EYS: variants seen among roughly 807,000 people sequenced by gnomAD.
The protein encoded by EYS is EGF-like photoreceptor maintenance factor.
In EYS, 250 loss-of-function variants were observed where a neutral mutation model predicts 282.1. The ratio of observed to expected loss-of-function variants is 0.89; its 90% CI spans 0.80 to 0.98. The LOEUF (loss-of-function observed/expected upper bound fraction) is 0.98, where lower values mean the gene tolerates loss of function less well. Ranked by LOEUF, EYS falls within the 50% of genes least tolerant of loss-of-function variation. The pLI, the probability that EYS is intolerant of heterozygous loss-of-function variation, is 0.00. For synonymous variants in EYS, 1,355 were observed against 1,282.9 expected, an observed-to-expected ratio of 1.06 and a Z score of -1.20; for missense variants, 4,016 against 3,709.0, an observed-to-expected ratio of 1.08 and a Z score of -2.15.
At chr6:63,743,740 C>T (rs1199007947) in intron 41 of EYS, among the ~76,000 whole-genome samples, 1 of 152,172 alleles carries the variant, frequency 6.6e-6, no homozygotes, top group East Asian at 1.9e-4. Context: ...TACTAAGATT[C>T]TGGGAGACAT....
At chr6:64,847,605 A>G in intron 19 of EYS, among the ~76,000 whole-genome samples, 1 of 152,036 alleles carries the variant, frequency 6.6e-6, no homozygotes, top group South Asian at 2.1e-4. Flanking sequence ...CAACTGCCTG[A>G]GCTCACCATT....
chr6:64,192,526 G>T (rs186691894), intron 31 of EYS, among the ~76,000 whole-genome samples: 2 of 151,986 alleles, frequency 1.3e-5, no homozygotes, highest in East Asian at 3.9e-4. Flanking sequence ...AAATAACGCC[G>T]CGTATCTACA....
At chr6:64,677,175 C>G (rs550525030) in intron 22 of EYS, among the ~76,000 whole-genome samples, 2 of 152,222 alleles carry the variant, frequency 1.3e-5, no homozygotes, top group African/African-American at 4.8e-5. Context: ...TTATCTAAGT[C>G]TTATCACAAT....
chr6:64,862,118 A>G (rs1002173861), intron 19 of EYS, among the ~76,000 whole-genome samples: 3 of 152,114 alleles, frequency 2.0e-5, no homozygotes, highest in African/African-American at 7.2e-5. Context: ...TAAATATTTC[A>G]TCTCACTCTC....
At chr6:64,573,752 C>T (rs967668866) in intron 26 of EYS, among the ~76,000 whole-genome samples, 7 of 151,974 alleles carry the variant, frequency 4.6e-5, no homozygotes, top group Admixed American at 1.3e-4. Context: ...GTTAGAATGG[C>T]GATCATTAAA....
At chr6:64,017,889 A>C (rs115848754) in intron 33 of EYS, among the ~76,000 whole-genome samples, 1 of 152,196 alleles carries the variant, frequency 6.6e-6, no homozygotes. Flanking sequence ...TTCCTGATAC[A>C]TAAAGGAACT....
In EYS at chr6:64,194,640, T is replaced by G. The variant is rs916729484; in HGVS notation, c.6424+35952A>C. ...AAACATGATCTGTATGATATTAGGT[T>G]TGCTTTTTAGCCCAGATAATGTTAA... On this transcript the variant is annotated intron_variant, in intron 31 of 42. Transcript: ENST00000503581. 3.3e-5 allele frequency among the ~76,000 whole-genome samples: 5 copies of G among 152,298 alleles called. No individual in the cohort carries two copies. The East Asian group carries it at 9.6e-4, about 29-fold the overall frequency.
At chr6:63,824,075 G>C (rs1158433166) in intron 36 of EYS, among the ~76,000 whole-genome samples, 1 of 152,068 alleles carries the variant, frequency 6.6e-6, no homozygotes, top group Non-Finnish European at 1.5e-5. Flanking sequence ...GATTGGAGTT[G>C]GAAATAAAGG....
chr6:64,134,937 C>G (rs942264043), intron 31 of EYS, among the ~76,000 whole-genome samples: 2 of 152,032 alleles, frequency 1.3e-5, no homozygotes, highest in African/African-American at 4.8e-5. Context: ...ATTTTGTGTT[C>G]TCAAAATGTT....
chr6:63,998,852 C>A (rs570836738), intron 34 of EYS, among the ~76,000 whole-genome samples: 280 of 149,200 alleles, frequency 1.9e-3, no homozygotes, highest in African/African-American at 6.6e-3. Context: ...AAAGGAAAAT[C>A]AGTTTATTGT....
intron 13 of EYS, among the ~76,000 whole-genome samples, chr6:65,017,096 C>T (rs922015423): frequency 6.6e-6 from 1 of 152,148 alleles, no homozygotes; most frequent in Non-Finnish European, 1.5e-5. Flanking sequence ...TCCCTCCCAG[C>T]TTCCTAGACT....
At chr6:64,617,364 G>T in intron 24 of EYS, 54 bp downstream of exon 24, 1 of 1,113,698 alleles carries the variant, frequency 9.0e-7, no homozygotes, top group Non-Finnish European at 1.3e-6. Flanking sequence ...ACTATTTACT[G>T]TGTATCAAAG....
At chr6:65,218,258 T>A (rs1766366292) in intron 12 of EYS, among the ~76,000 whole-genome samples, 1 of 152,118 alleles carries the variant, frequency 6.6e-6, no homozygotes, top group African/African-American at 2.4e-5. Context: ...ATTTAATTCA[T>A]CTCTTAAACA....
chr6:64,476,801 T>C (rs1776284730), intron 26 of EYS, among the ~76,000 whole-genome samples: 1 of 152,168 alleles, frequency 6.6e-6, no homozygotes, highest in South Asian at 2.1e-4. Flanking sequence ...CAATAAAAAG[T>C]ATACCTCAAG....
At chr6:64,304,422 A>T (rs1561918915) in intron 30 of EYS, among the ~76,000 whole-genome samples, 1 of 152,220 alleles carries the variant, frequency 6.6e-6, no homozygotes, top group Non-Finnish European at 1.5e-5. Context: ...ACTTAACACA[A>T]CAAACCAACT....
At chr6:64,289,032 G>T (rs1007747254) in intron 30 of EYS, among the ~76,000 whole-genome samples, 4 of 151,926 alleles carry the variant, frequency 2.6e-5, no homozygotes, top group Non-Finnish European at 4.4e-5. Context: ...AGTGATTCGG[G>T]TGCTTCATCT....
At chr6:65,626,251 A>G (rs930017099) in intron 2 of EYS, among the ~76,000 whole-genome samples, 35 of 152,228 alleles carry the variant, frequency 2.3e-4, no homozygotes, top group African/African-American at 8.2e-4. Context: ...TTTGTAGTTC[A>G]TCAAGTCACA....
intron 13 of EYS, among the ~76,000 whole-genome samples, chr6:65,044,540 G>C (rs1475631444): frequency 6.6e-6 from 1 of 151,744 alleles, no homozygotes; most frequent in African/African-American, 2.4e-5. Flanking sequence ...AGTCTCTCTA[G>C]TAATAATTAT....
chr6:64,670,594 C>A (rs1385217732), intron 22 of EYS, among the ~76,000 whole-genome samples: 1 of 152,080 alleles, frequency 6.6e-6, no homozygotes, highest in Non-Finnish European at 1.5e-5. Context: ...CTGTATTTCA[C>A]TACACCACAG....
Sources: gnomAD v4.1 joint callset for allele counts (sites outside exome capture counted in the v4.1 genomes callset) on GRCh38, gnomAD v4.1.1 for gene constraint, MANE v1.5 for transcripts, NCBI Gene and HGNC (gene_info 2026-07-23, HGNC 2026-07-21) for gene names.